The following AHCYL2 variants were observed in gnomAD, a reference collection of about 807,000 sequenced individuals.
AHCYL2 encodes S-adenosylhomocysteine hydrolase-like protein 2.
A neutral mutation model predicts 81.4 loss-of-function variants in AHCYL2; 28 were observed. That is an observed-to-expected ratio of 0.34 (90% CI 0.25 to 0.47). The LOEUF (loss-of-function observed/expected upper bound fraction) is 0.47, where lower values mean the gene tolerates loss of function less well. Ranked by LOEUF, AHCYL2 falls within the 20% of genes least tolerant of loss-of-function variation. The pLI is 1.00. For synonymous variants in AHCYL2, 272 were observed against 290.2 expected (o/e 0.94, Z 0.64); for missense variants, 551 against 785.1 (o/e 0.70, Z 3.56).
At chr7:129,269,785 A>T (rs549237178) in intron 1 of AHCYL2, among the ~76,000 whole-genome samples, 1 of 152,182 alleles carries the variant, frequency 6.6e-6, no homozygotes, top group Non-Finnish European at 1.5e-5. Context: ...GTGTCTATAG[A>T]TTGATAAATT....
intron 1 of AHCYL2, among the ~76,000 whole-genome samples, chr7:129,336,730 A>G (rs557544192): frequency 7.9e-5 from 12 of 152,224 alleles, no homozygotes; most frequent in African/African-American, 2.9e-4. Flanking sequence ...TTAATTCAAG[A>G]CATAGTAAAA....
intron 1 of AHCYL2, among the ~76,000 whole-genome samples, chr7:129,226,261 C>T (rs972331696): frequency 6.6e-6 from 1 of 152,176 alleles, no homozygotes; most frequent in Non-Finnish European, 1.5e-5. Context: ...TTGAGGAGGT[C>T]TCAGAATACC....
chr7:129,317,749 C>A (rs1182204273), intron 1 of AHCYL2, among the ~76,000 whole-genome samples: 1 of 152,182 alleles, frequency 6.6e-6, no homozygotes, highest in African/African-American at 2.4e-5. Flanking sequence ...AGCAACACAT[C>A]TTCTTGGTTA....
chr7:129,252,840 A>T (rs1795289423), intron 1 of AHCYL2, among the ~76,000 whole-genome samples: 1 of 152,162 alleles, frequency 6.6e-6, no homozygotes, highest in South Asian at 2.1e-4. Context: ...AGATAAATAG[A>T]TAGCAGAGAT....
At chr7:129,345,590 G>T (rs1490857498) in intron 1 of AHCYL2, among the ~76,000 whole-genome samples, 1 of 152,156 alleles carries the variant, frequency 6.6e-6, no homozygotes, top group African/African-American at 2.4e-5. Flanking sequence ...GTTGTGGTTG[G>T]CTTGCTTTAG....
intron 1 of AHCYL2, among the ~76,000 whole-genome samples, chr7:129,333,662 G>T (rs1798498639): frequency 6.6e-6 from 1 of 152,168 alleles, no homozygotes; most frequent in Admixed American, 6.5e-5. Flanking sequence ...GGAAACTTTG[G>T]AAGTCAATCA....
rs1180235736 is a variant in AHCYL2 at position 129,389,707 on chromosome 7, T to C, written c.693T>C (p.Gly231=). 1 of 1,613,676 alleles carries C rather than the reference T, an allele frequency of 6.2e-7. No homozygotes were observed. The highest frequency in any genetic ancestry group is 8.5e-7 in the Non-Finnish European group (1 of 1,179,814). ...EKPLAGAKIV[G]CTHITAQTAV... ...CTTTGGCTGGAGCCAAAATCGTGGG[T>C]TGCACACACATCACTGCTCAGACTG... Residue 231 remains glycine (G), a synonymous_variant, in exon 4 of 17, where the codon GGT becomes GGC. Coordinates refer to ENST00000325006, the MANE Select transcript of AHCYL2 (RefSeq NM_015328.4).
intron 1 of AHCYL2, among the ~76,000 whole-genome samples, chr7:129,293,096 C>T (rs1038969289): frequency 2.6e-5 from 4 of 152,066 alleles, no homozygotes; most frequent in Non-Finnish European, 5.9e-5. Flanking sequence ...ATTATAGGCG[C>T]TTGCCACTGT....
intron 1 of AHCYL2, among the ~76,000 whole-genome samples, chr7:129,259,279 CCTT>C (rs1336247760): frequency 6.6e-6 from 1 of 152,040 alleles, no homozygotes; most frequent in Non-Finnish European, 1.5e-5. Flanking sequence ...TGCCAGGGCC[CCTT>C]CTTAAGCAGC....
intron 1 of AHCYL2, among the ~76,000 whole-genome samples, chr7:129,281,596 A>T (rs1796451066): frequency 6.7e-6 from 1 of 149,568 alleles, no homozygotes; most frequent in South Asian, 2.1e-4. Context: ...TCCTGGGCTC[A>T]AATGATCCTT....
chr7:129,293,350 C>G (rs1796935902), intron 1 of AHCYL2, among the ~76,000 whole-genome samples: 1 of 151,764 alleles, frequency 6.6e-6, no homozygotes, highest in African/African-American at 2.4e-5. Context: ...ATATGTATAC[C>G]CCTTCAACTA....
At chr7:129,288,672 A>G (rs1796727070) in intron 1 of AHCYL2, among the ~76,000 whole-genome samples, 2 of 151,746 alleles carry the variant, frequency 1.3e-5, no homozygotes. Context: ...ACTTCTATTT[A>G]GAAGAGTGCT....
intron 1 of AHCYL2, among the ~76,000 whole-genome samples, chr7:129,241,291 C>A (rs1794843563): frequency 6.6e-6 from 1 of 152,196 alleles, no homozygotes; most frequent in Non-Finnish European, 1.5e-5. Flanking sequence ...TTTGACTAAA[C>A]CTGTTTAATT....
At chr7:129,398,362 A>G (rs887290505) in intron 5 of AHCYL2, among the ~76,000 whole-genome samples, 1 of 135,398 alleles carries the variant, frequency 7.4e-6, no homozygotes, top group Non-Finnish European at 1.6e-5. Flanking sequence ...TTTATTTTTT[A>G]TTTTTATTTT....
intron 1 of AHCYL2, among the ~76,000 whole-genome samples, chr7:129,359,012 C>T (rs979486146): frequency 5.3e-5 from 8 of 151,958 alleles, no homozygotes; most frequent in African/African-American, 1.9e-4. Context: ...GATATATATC[C>T]GTAGAAATAT....
At chr7:129,400,019 C>T (rs899625635) in intron 5 of AHCYL2, among the ~76,000 whole-genome samples, 9 of 152,154 alleles carry the variant, frequency 5.9e-5, no homozygotes, top group African/African-American at 2.2e-4. Context: ...AGCCACCGCA[C>T]CTGGCCCCCT....
chr7:129,306,200 C>G (rs1797435807), intron 1 of AHCYL2, among the ~76,000 whole-genome samples: 1 of 152,202 alleles, frequency 6.6e-6, no homozygotes, highest in African/African-American at 2.4e-5. Context: ...TCTCTACCTT[C>G]TCTTTAAGGC....
chr7:129,257,110 G>A (rs1359067114), intron 1 of AHCYL2, among the ~76,000 whole-genome samples: 1 of 152,094 alleles, frequency 6.6e-6, no homozygotes, highest in Non-Finnish European at 1.5e-5. Context: ...GCTCTGAAGG[G>A]ATGAAGCTGT....
intron 1 of AHCYL2, among the ~76,000 whole-genome samples, chr7:129,242,206 G>C (rs1292080189): frequency 2.6e-5 from 4 of 152,016 alleles, no homozygotes; most frequent in African/African-American, 9.7e-5. Flanking sequence ...ATATACTACA[G>C]TTTACACATT....
Sources: gnomAD v4.1 joint callset for allele counts (sites outside exome capture counted in the v4.1 genomes callset) on GRCh38, gnomAD v4.1.1 for gene constraint, MANE v1.5 for transcripts, NCBI Gene and HGNC (gene_info 2026-07-23, HGNC 2026-07-21) for gene names.